Variants in TMEM94 observed in about 807,000 individuals in gnomAD.
TMEM94 encodes the protein ER Mg2+ ATPase.
A neutral mutation model predicts 158.6 loss-of-function variants in TMEM94; 81 were observed. The observed-to-expected ratio is 0.51, with a 90% CI of 0.43 to 0.61. The LOEUF (loss-of-function observed/expected upper bound fraction) is 0.61, where lower values mean the gene tolerates loss of function less well. Ranked by LOEUF, TMEM94 falls within the 20% of genes least tolerant of loss-of-function variation. The pLI, the probability that TMEM94 is intolerant of heterozygous loss-of-function variation, is 0.00. For missense variants in TMEM94, 1,435 were observed against 1,762.0 expected, an observed-to-expected ratio of 0.81 and a Z score of 3.32; for synonymous variants, 751 against 730.7, an observed-to-expected ratio of 1.03 and a Z score of -0.45.
intron 1 of TMEM94, among the ~76,000 whole-genome samples, chr17:75,469,716 C>T (rs938188050): frequency 4.0e-5 from 6 of 149,838 alleles, no homozygotes; most frequent in Admixed American, 6.8e-5. Flanking sequence ...TTTGAGAAGC[C>T]GAGGCGGGCA....
chr17:75,497,822 C>A lies in TMEM94; in HGVS notation c.3449C>A (p.Ser1150Tyr). ...LGKPPHSSIM[S>Y]MATGKNLQSI... is the part of the protein sequence containing the mutation. ...AAGCCCCCCCATAGCTCCATCATGT[C>A]TATGGCAACGGGGAAAAACCTCCAG... The change falls in exon 27 of 32, where the codon TCT becomes TAT. Residue 1150 changes from serine (S) to tyrosine (Y), a missense_variant. This residue lies in a region of TMEM94 where 335 missense variants were observed against 409.1 expected (regional missense o/e 0.82). Coordinates refer to ENST00000314256, the MANE Select transcript of TMEM94 (RefSeq NM_014738.6). The A allele has an allele frequency of 1.9e-6, 3 of 1,614,014 alleles. No homozygotes were observed. Among genetic ancestry groups the A allele is most frequent in the Non-Finnish European group, 2.5e-6 (3 of 1,179,982 alleles).
intron 2 of TMEM94, among the ~76,000 whole-genome samples, chr17:75,483,154 G>A (rs1567934335): frequency 1.3e-5 from 2 of 152,176 alleles, no homozygotes; most frequent in South Asian, 2.1e-4. Flanking sequence ...GAAGGGGCTC[G>A]GCTCGTGTCA....
chr17:75,463,040 ATATATATATATATAT>A (rs2050144760), intron 1 of TMEM94, among the ~76,000 whole-genome samples: 2 of 2,044 alleles, frequency 9.8e-4, no homozygotes, highest in Non-Finnish European at 1.6e-3. Flanking sequence ...AAAAAAAAAT[ATATATATATATATAT>A]ATATATATAT....
rs1567973952 is a variant in TMEM94 at position 75,495,989 on chromosome 17, A to G, written c.2968A>G (p.Met990Val). 6.2e-7 allele frequency: 1 copy of G among 1,613,462 alleles called. No individual in the cohort carries two copies. Among genetic ancestry groups the G allele is most frequent in the Non-Finnish European group, 8.5e-7 (1 of 1,179,886 alleles). Residue 990 changes from methionine to valine, a missense_variant, in exon 23 of 32, where the codon ATG becomes GTG. Physicochemically the swap from Met to Val is conservative, Grantham distance 21. Transcript: ENST00000314256. This position sits in a 1 kb window ranked among gnomAD's most constrained non-coding sequence, Gnocchi z 5.6. The stretch of plus-strand genomic sequence containing the variant: ...AGCCATGTGTGAGATGATAAAGATC[A>G]TGCAAGAGTACGGGGAGGTGACCTG... ...PETMCEMIKI[M>V]QEYGEVTCCL...
In TMEM94 at chr17:75,485,710, C is replaced by A; in HGVS notation, c.145-161C>A. The A allele has an allele frequency of 7.5e-7, 1 of 1,327,726 alleles. No homozygotes were observed. Among genetic ancestry groups the A allele is most frequent in the African/African-American group, 1.5e-5 (1 of 67,920 alleles). 82.2% of individuals were successfully genotyped at this position (1,327,726 alleles called of 1,614,324 possible). ...AGCCAAGGTTCCCCTCAGAGTGGCT[C>A]CTGAGCCTGCTTGCTGCAGGAGCCC... On this transcript the variant is annotated intron_variant, in intron 3 of 31. Transcript: ENST00000314256. This position sits in a 1 kb window ranked among gnomAD's most constrained non-coding sequence, Gnocchi z 5.5.
At chr17:75,476,363 G>A (rs558187223) in intron 2 of TMEM94, 9 of 502,904 alleles carry the variant, frequency 1.8e-5, no homozygotes, top group South Asian at 3.1e-5. Flanking sequence ...CTGGCAGCGC[G>A]TTGGACAAAC....
Position 75,499,059 on chromosome 17 carries a change from G to A in TMEM94, c.3975G>A (p.Glu1325=). The part of the protein sequence containing the change: ...LSLVLVVVTN[E]IVKLHEIRVR... ...TGGTCCTTGTGGTGGTGACCAATGA[G>A]ATCGTGAAGCTACATGAGATTCGGT... Residue 1325 remains glutamate, a synonymous_variant, in exon 31 of 32, where the codon GAG becomes GAA. Transcript: ENST00000314256. 6.3e-7 allele frequency: 1 copy of A among 1,593,202 alleles called. No homozygotes were observed.
chr17:75,495,781 G>A lies in TMEM94; in HGVS notation c.2944+138G>A. On this transcript the variant is annotated intron_variant, in intron 22 of 31. Coordinates refer to ENST00000314256, the MANE Select transcript of TMEM94 (RefSeq NM_014738.6). The surrounding 1 kb of genome is among the most constrained non-coding windows in gnomAD (Gnocchi z 5.6). ...AAAGGAACCTGGGCTGGGATCAGCT[G>A]GGGAATCTTGTGGGTTGGAGTCAGA... is the stretch of plus-strand genomic sequence containing the variant. The A allele has an allele frequency of 3.3e-6, 3 of 900,700 alleles. No homozygotes were observed. The highest frequency in any genetic ancestry group is 1.6e-5 in the South Asian group (1 of 64,188). The allele number at this position is 900,700 out of a possible 1,614,324, so 55.8% of individuals were successfully genotyped here.
At position 75,493,764 on chromosome 17, in the gene TMEM94, A is replaced by C; in HGVS notation, c.2255A>C (p.Lys752Thr). 6.2e-7 allele frequency: 1 copy of C among 1,614,110 alleles called. No homozygotes were observed. The highest frequency in any genetic ancestry group is 1.3e-5 in the African/African-American group (1 of 75,062). Residue 752 changes from lysine (K) to threonine (T), a missense_variant, in exon 18 of 32, where the codon AAG becomes ACG. Transcript: ENST00000314256. ...LSGYCSAFAY[K>T]PMNCALSSQL... is the part of the protein sequence containing the mutation. Reference sequence around the variant, plus strand: ...GGGTATTGCTCTGCCTTCGCCTACAAGCCCATGAACTGCGCCCTGTCCTCT... The same window carrying C: ...GGGTATTGCTCTGCCTTCGCCTACACGCCCATGAACTGCGCCCTGTCCTCT...
chr17:75,461,525 A>T (rs2050068145), intron 1 of TMEM94, among the ~76,000 whole-genome samples: 1 of 152,196 alleles, frequency 6.6e-6, no homozygotes, highest in South Asian at 2.1e-4. Context: ...AAAAGTATAT[A>T]TAGTAAAAAT....
In TMEM94 at chr17:75,486,014, C is replaced by A; in HGVS notation, c.272+16C>A. 6.6e-7 allele frequency: 1 copy of A among 1,514,794 alleles called. No individual in the cohort carries two copies. The highest frequency in any genetic ancestry group is 1.2e-5 in the South Asian group (1 of 86,070). 93.8% of individuals were successfully genotyped at this position (1,514,794 alleles called of 1,614,324 possible). A position where few individuals can be genotyped will look rare whatever the true frequency, so the allele number is the denominator to read the frequency against. ...CAGCCGGGAGGTGTGCGCCCAGGGGCTGCTCCCCAACCTCTCCAGCTGTGC... is the reference window on the plus strand; with the variant it reads ...CAGCCGGGAGGTGTGCGCCCAGGGGATGCTCCCCAACCTCTCCAGCTGTGC... On this transcript the variant is annotated intron_variant, in intron 4 of 31. Coordinates refer to ENST00000314256, the MANE Select transcript of TMEM94 (RefSeq NM_014738.6).
chr17:75,477,398 G>A (rs936998410), intron 2 of TMEM94, among the ~76,000 whole-genome samples: 6 of 152,052 alleles, frequency 3.9e-5, no homozygotes, highest in Non-Finnish European at 7.4e-5. Context: ...CTGCACTGAC[G>A]ACGACAGTGG....
At chr17:75,497,987 T>G in intron 27 of TMEM94, 125 bp downstream of exon 27, 1 of 1,155,804 alleles carries the variant, frequency 8.7e-7, no homozygotes, top group Non-Finnish European at 1.2e-6. Flanking sequence ...CGGCACTTGG[T>G]TCCTAGTCTT....
At chr17:75,480,765 CT>C (rs755523045) in intron 2 of TMEM94, among the ~76,000 whole-genome samples, 5 of 152,248 alleles carry the variant, frequency 3.3e-5, no homozygotes, top group Non-Finnish European at 5.9e-5. Context: ...GTACAGTTGC[CT>C]GGTCCTTCCT....
intron 26 of TMEM94, 47 bp from the exon 27 acceptor site, chr17:75,497,734 A>G: frequency 6.8e-7 from 1 of 1,480,932 alleles, no homozygotes; most frequent in Non-Finnish European, 9.4e-7. Context: ...GAATTGAGGG[A>G]CAGAGGGTCA....
In TMEM94 at chr17:75,496,288, C is replaced by T. The variant is rs761490641; in HGVS notation, c.3060C>T (p.Ala1020=). The part of the protein sequence containing the change: ...CLFLQSDISI[A]LDPLYPSRCS... ...TGTCCCCCACCCTGAGCAGCATTGC[C>T]CTGGATCCCCTGTACCCATCCCGTT... is the stretch of plus-strand genomic sequence containing the variant. Residue 1020 remains alanine, a synonymous_variant, in exon 24 of 32, where the codon GCC becomes GCT. Coordinates refer to ENST00000314256, the MANE Select transcript of TMEM94 (RefSeq NM_014738.6). The T allele has an allele frequency of 3.1e-6, 5 of 1,614,178 alleles. No individual in the cohort carries two copies. Among genetic ancestry groups the T allele is most frequent in the Non-Finnish European group, 4.2e-6 (5 of 1,180,030 alleles).
Position 75,495,712 on chromosome 17 carries a change from AC to A in TMEM94, c.2944+73del, listed in dbSNP as rs759744127. 26 of 1,446,832 alleles carry A rather than the reference AC, an allele frequency of 1.8e-5. No individual in the cohort carries two copies. The highest frequency in any genetic ancestry group is 2.1e-5 in the Non-Finnish European group (22 of 1,034,228). 89.6% of individuals were successfully genotyped at this position (1,446,832 alleles called of 1,614,324 possible). A position where few individuals can be genotyped will look rare whatever the true frequency, so the allele number is the denominator to read the frequency against. On this transcript the variant is annotated intron_variant, in intron 22 of 31. Transcript: ENST00000314256. This position sits in a 1 kb window ranked among gnomAD's most constrained non-coding sequence, Gnocchi z 5.6. ...GGCTGAGCTCTGCCTGGGCCTGCGT[AC>A]CCCGTGGGCTCTGGAGGGATGTAGG...
chr17:75,481,432 G>T (rs890100593), intron 2 of TMEM94, among the ~76,000 whole-genome samples: 2 of 152,236 alleles, frequency 1.3e-5, no homozygotes, highest in African/African-American at 4.8e-5. Flanking sequence ...GAATCCTGGG[G>T]CCAGGCCCCG....
intron 2 of TMEM94, among the ~76,000 whole-genome samples, chr17:75,484,525 A>T (rs561106506): frequency 4.7e-4 from 72 of 151,888 alleles, no homozygotes; most frequent in African/African-American, 1.7e-3. Flanking sequence ...CAGCCTCCTG[A>T]GTAGCTGGGT....
Sources: gnomAD v4.1 joint callset for allele counts (sites outside exome capture counted in the v4.1 genomes callset) on GRCh38, gnomAD v4.1.1 for gene constraint, gnomAD v4.1.1 regional missense constraint, Gnocchi (gnomAD v3.1) non-coding constraint, MANE v1.5 for transcripts, NCBI Gene and HGNC (gene_info 2026-07-23, HGNC 2026-07-21) for gene names.